The following SERPINI2 variants were observed in gnomAD, a reference collection of about 807,000 sequenced individuals.
SERPINI2 encodes serpin family I member 2.
Under a neutral mutation model 47.3 loss-of-function variants are expected in SERPINI2, and 48 were observed. The observed-to-expected ratio is 1.02, with a 90% CI of 0.81 to 1.29. The LOEUF (loss-of-function observed/expected upper bound fraction) is 1.29, where lower values mean the gene tolerates loss of function less well. Among genes scored for constraint, SERPINI2 ranks in the 50% most tolerant of loss-of-function variants. The pLI is 0.00. For missense variants in SERPINI2, 448 were observed against 456.9 expected, an observed-to-expected ratio of 0.98 and a Z score of 0.18; for synonymous variants, 135 against 149.3, an observed-to-expected ratio of 0.90 and a Z score of 0.70.
intron 5 of SERPINI2, among the ~76,000 whole-genome samples, chr3:167,464,827 G>C (rs1297750942): frequency 1.3e-5 from 2 of 152,092 alleles, no homozygotes; most frequent in African/African-American, 4.8e-5. Context: ...TCTTTCAATT[G>C]TGTAAAACAT....
intron 5 of SERPINI2, 103 bp downstream of exon 5, chr3:167,465,103 G>T: frequency 2.0e-6 from 2 of 1,016,998 alleles, no homozygotes; most frequent in Non-Finnish European, 1.5e-6. Flanking sequence ...ATTTTCATTT[G>T]TGTCAATAGA....
chr3:167,447,113 A>G (rs1045570723), intron 7 of SERPINI2: 1 of 152,074 alleles, frequency 6.6e-6, no homozygotes, highest in Non-Finnish European at 1.5e-5. Context: ...AAAGTTAGAT[A>G]TTTTTCCTAT....
intron 8 of SERPINI2, among the ~76,000 whole-genome samples, chr3:167,445,884 C>G (rs1156584116): frequency 4.6e-5 from 7 of 152,126 alleles, no homozygotes; most frequent in African/African-American, 1.4e-4. Flanking sequence ...ACCAGTTGCC[C>G]AAGTTGAAGA....
chr3:167,446,426 A>T, exon 8 of SERPINI2: 1 of 1,610,396 alleles, frequency 6.2e-7, no homozygotes, highest in Non-Finnish European at 8.5e-7. Flanking sequence ...ACAGAAATGG[A>T]TGATTTGCTA....
chr3:167,465,108 A>C, intron 5 of SERPINI2, 98 bp downstream of exon 5: 1 of 1,078,180 alleles, frequency 9.3e-7, no homozygotes, highest in Non-Finnish European at 1.4e-6. Flanking sequence ...CATTTGTGTC[A>C]ATAGACTTTT....
intron 8 of SERPINI2, among the ~76,000 whole-genome samples, chr3:167,445,184 T>C (rs1333657541): frequency 1.3e-5 from 2 of 152,174 alleles, no homozygotes; most frequent in Non-Finnish European, 2.9e-5. Context: ...AGCATTAGTT[T>C]CATGGAGCCA....
At chr3:167,459,078 G>GTTTT (rs536122299) in intron 5 of SERPINI2, among the ~76,000 whole-genome samples, 9 of 139,032 alleles carry the variant, frequency 6.5e-5, no homozygotes, top group African/African-American at 2.4e-4. Context: ...GTTTTTTTTT[G>GTTTT]TTTTTTTTTT....
chr3:167,457,357 C>T (rs562887918), intron 5 of SERPINI2, among the ~76,000 whole-genome samples: 3 of 152,328 alleles, frequency 2.0e-5, no homozygotes, highest in East Asian at 3.9e-4. Context: ...GTAAGGACTA[C>T]TACAAAACAG....
At chr3:167,475,849 A>G (rs1348116619), upstream of SERPINI2, among the ~76,000 whole-genome samples, 2 of 151,776 alleles carry the variant, frequency 1.3e-5, no homozygotes, top group African/African-American at 4.8e-5. Context: ...AAAGGGTTAC[A>G]GTTATCATCT....
At chr3:167,465,719 GAT>G (rs1173442571) in intron 3 of SERPINI2, 46 bp from the exon 4 acceptor site, 1 of 1,491,108 alleles carries the variant, frequency 6.7e-7, no homozygotes. Context: ...GTGCAATAGT[GAT>G]TCAGTGGAAT....
upstream of SERPINI2, among the ~76,000 whole-genome samples, chr3:167,476,787 C>T (rs778549386): frequency 1.9e-4 from 29 of 152,046 alleles, no homozygotes; most frequent in Non-Finnish European, 3.7e-4. Flanking sequence ...TATGTGAATA[C>T]CCGGAACCTA....
At chr3:167,461,642 G>A (rs891663727) in intron 5 of SERPINI2, among the ~76,000 whole-genome samples, 5 of 150,722 alleles carry the variant, frequency 3.3e-5, no homozygotes, top group Admixed American at 2.0e-4. Flanking sequence ...ATAGGGTCTC[G>A]CTTTGCTGCC....
intron 8 of SERPINI2, among the ~76,000 whole-genome samples, chr3:167,446,077 G>A (rs1370029783): frequency 2.6e-4 from 39 of 152,108 alleles, no homozygotes; most frequent in Admixed American, 2.6e-3. Context: ...CGTAACCTGA[G>A]ACAAACCATA....
intron 4 of SERPINI2, 21 bp downstream of exon 4, chr3:167,465,457 GA>G: frequency 6.2e-7 from 1 of 1,610,406 alleles, no homozygotes; most frequent in Non-Finnish European, 8.5e-7. Context: ...CTATGCTTAG[GA>G]ACTGTGGTTT....
At chr3:167,452,277 C>T (rs917580777) in intron 6 of SERPINI2, among the ~76,000 whole-genome samples, 3 of 152,136 alleles carry the variant, frequency 2.0e-5, no homozygotes, top group Admixed American at 6.6e-5. Context: ...CTCTCTTCAT[C>T]CATTTTTTTA....
chr3:167,472,649 A>G (rs914636667), intron 1 of SERPINI2, among the ~76,000 whole-genome samples: 1 of 151,912 alleles, frequency 6.6e-6, no homozygotes, highest in Admixed American at 6.6e-5. Flanking sequence ...GAAATATAAT[A>G]TCAAAGAATT....
rs548115108 is a variant in SERPINI2 at position 167,467,046 on chromosome 3, A to G, written c.478+9T>C. 2.5e-6 allele frequency: 4 copies of G among 1,574,268 alleles called. No homozygotes were observed. The East Asian group carries it at 9.0e-5, about 35-fold the overall frequency. On this transcript the variant is annotated intron_variant, in intron 3 of 8. Coordinates refer to ENST00000264677, the Ensembl canonical transcript of SERPINI2. ...CAAATAATAATTTTATGAAAATGGG[A>G]AACTTTACCATCTGTTTTTCTTTCT...
intron 6 of SERPINI2, among the ~76,000 whole-genome samples, chr3:167,452,265 G>A (rs1417808806): frequency 6.6e-6 from 1 of 152,146 alleles, no homozygotes; most frequent in Non-Finnish European, 1.5e-5. Flanking sequence ...GGGACAAACT[G>A]GCTCTCTTCA....
chr3:167,463,005 A>T (rs952791479), intron 5 of SERPINI2, among the ~76,000 whole-genome samples: 2 of 152,172 alleles, frequency 1.3e-5, no homozygotes, highest in Non-Finnish European at 2.9e-5. Context: ...ATTATTATTT[A>T]GACTGAAAAA....
Sources: gnomAD v4.1 joint callset for allele counts (sites outside exome capture counted in the v4.1 genomes callset) on GRCh38, gnomAD v4.1.1 for gene constraint, MANE v1.5 for transcripts, NCBI Gene and HGNC (gene_info 2026-07-23, HGNC 2026-07-21) for gene names.